Variants in ZC2HC1B observed in about 807,000 individuals in gnomAD.
ZC2HC1B encodes zinc finger C2HC domain-containing protein 1B.
In ZC2HC1B, 36 loss-of-function variants were observed where a neutral mutation model predicts 31.0. The ratio of observed to expected loss-of-function variants is 1.16; its 90% CI spans 0.89 to 1.54. ZC2HC1B has a LOEUF of 1.54. Ranked by LOEUF, ZC2HC1B falls within the 40% of genes most tolerant of loss-of-function variation. ZC2HC1B has a pLI of 0.00. For synonymous variants in ZC2HC1B, 73 were observed against 88.0 expected (o/e 0.83, Z 0.95); for missense variants, 260 against 268.6 (o/e 0.97, Z 0.22).
At chr6:143,876,259 C>G (rs931931765) in intron 1 of ZC2HC1B, among the ~76,000 whole-genome samples, 1 of 150,418 alleles carries the variant, frequency 6.6e-6, no homozygotes, top group Non-Finnish European at 1.5e-5. Context: ...TTACTCTGTC[C>G]CCTGAACTTA....
At position 143,923,351 on chromosome 6, in the gene ZC2HC1B, A is replaced by T. The variant is rs917513719; in HGVS notation, c.599-14298A>T. Among the ~76,000 whole-genome samples, 10 of 152,114 alleles carry T rather than the reference A, an allele frequency of 6.6e-5. No homozygotes were observed. The highest frequency in any genetic ancestry group is 2.2e-4 in the African/African-American group (9 of 41,444). The stretch of plus-strand genomic sequence containing the variant: ...GAGTTCCTTGCTTATTCTGAATATT[A>T]GTTCCTTGGGAGATGAATGGTTTGC... On this transcript the variant is annotated intron_variant, in intron 6 of 7. Coordinates refer to ENST00000237275, the MANE Select transcript of ZC2HC1B (RefSeq NM_001013623.3). The surrounding 1 kb of genome is among the most constrained non-coding windows in gnomAD (Gnocchi z 4.8).
intron 4 of ZC2HC1B, among the ~76,000 whole-genome samples, chr6:143,893,516 G>A (rs13194672): frequency 1.7e-4 from 26 of 152,184 alleles, no homozygotes; most frequent in African/African-American, 6.0e-4. Flanking sequence ...GCAGTGAGCA[G>A]AGATTGTGCT....
Position 143,871,473 on chromosome 6 carries a change from G to C in ZC2HC1B, c.28+6906G>C, listed in dbSNP as rs1273878599. On this transcript the variant is annotated intron_variant, in intron 1 of 7. Transcript: ENST00000237275. The surrounding 1 kb of genome is among the most constrained non-coding windows in gnomAD (Gnocchi z 4.1). ...TTGCCAAGTCAATGGCTGCATACCAGGTACCAAGAAATGTGTTAATTGGCT... is the reference window on the plus strand; with the variant it reads ...TTGCCAAGTCAATGGCTGCATACCACGTACCAAGAAATGTGTTAATTGGCT... 6.6e-6 allele frequency among the ~76,000 whole-genome samples: 1 copy of C among 152,194 alleles called. No homozygotes were observed.
rs1020620992 is a variant in ZC2HC1B, at chr6:143,924,984, G to A, written c.599-12665G>A. Among the ~76,000 whole-genome samples the A allele has an allele frequency of 2.6e-5, 4 of 152,078 alleles. No homozygotes were observed. Among genetic ancestry groups the A allele is most frequent in the African/African-American group, 4.8e-5 (2 of 41,426 alleles). The stretch of plus-strand genomic sequence containing the variant: ...ATGTCCTTGTCTGGTTTTGGTATCA[G>A]GGTAATACTGGCCTCACAGAATGAG... On this transcript the variant is annotated intron_variant, in intron 6 of 7. Coordinates refer to ENST00000237275, the MANE Select transcript of ZC2HC1B (RefSeq NM_001013623.3). The surrounding 1 kb of genome is among the most constrained non-coding windows in gnomAD (Gnocchi z 5.2).
rs908057598 is a variant in ZC2HC1B at position 143,869,251 on chromosome 6, A to G, written c.28+4684A>G. ...CACCCTAATAGATCTCCTGTATTCC[A>G]TGCCTACTCTTCCTTACCTCTGTTG... is the stretch of plus-strand genomic sequence containing the variant. On this transcript the variant is annotated intron_variant, in intron 1 of 7. Coordinates refer to ENST00000237275, the MANE Select transcript of ZC2HC1B (RefSeq NM_001013623.3). This position sits in a 1 kb window ranked among gnomAD's most constrained non-coding sequence, Gnocchi z 5.2. Among the ~76,000 whole-genome samples, 9 of 152,204 alleles carry G rather than the reference A, an allele frequency of 5.9e-5. No individual in the cohort carries two copies. Among genetic ancestry groups the G allele is most frequent in the African/African-American group, 1.9e-4 (8 of 41,452 alleles).
At chr6:143,900,481 C>T (rs936185058) in intron 5 of ZC2HC1B, among the ~76,000 whole-genome samples, 5 of 151,560 alleles carry the variant, frequency 3.3e-5, no homozygotes, top group Non-Finnish European at 5.9e-5. Flanking sequence ...AGGGCTTTAA[C>T]TCAAGCCAGT....
intron 1 of ZC2HC1B, among the ~76,000 whole-genome samples, chr6:143,879,824 ATTTTTTTTTTTT>A (rs557859315): frequency 3.7e-5 from 2 of 53,680 alleles, no homozygotes; most frequent in Admixed American, 2.6e-4. Context: ...GTTGTCCCTG[ATTTTTTTTTTTT>A]TTTTTTTTTT....
intron 6 of ZC2HC1B, among the ~76,000 whole-genome samples, chr6:143,914,494 G>T (rs188403896): frequency 1.3e-5 from 2 of 152,214 alleles, no homozygotes; most frequent in African/African-American, 4.8e-5. Flanking sequence ...CTAACATGTG[G>T]TTCATTCTGG....
rs1777704913 is a variant in ZC2HC1B at position 143,899,040 on chromosome 6, A to G, written c.489+349A>G. On this transcript the variant is annotated intron_variant, in intron 5 of 7. Coordinates refer to ENST00000237275, the MANE Select transcript of ZC2HC1B (RefSeq NM_001013623.3). The surrounding 1 kb of genome is among the most constrained non-coding windows in gnomAD (Gnocchi z 5.0). ...TGCGAACCTGAAGTGAAACTGCCTG[A>G]GTGGGACAGGCTGTCCCAAGGCAAC... Among the ~76,000 whole-genome samples, 1 of 152,214 alleles carries G rather than the reference A, an allele frequency of 6.6e-6. No individual in the cohort carries two copies. Among genetic ancestry groups the G allele is most frequent in the South Asian group, 2.1e-4 (1 of 4,834 alleles).
chr6:143,899,030 A>C lies in ZC2HC1B; in HGVS notation c.489+339A>C, dbSNP rs1562342171. On this transcript the variant is annotated intron_variant, in intron 5 of 7. Transcript: ENST00000237275. This position sits in a 1 kb window ranked among gnomAD's most constrained non-coding sequence, Gnocchi z 5.0. The stretch of plus-strand genomic sequence containing the variant: ...AGAAAAGAATTGCGAACCTGAAGTG[A>C]AACTGCCTGAGTGGGACAGGCTGTC... 6.6e-6 allele frequency among the ~76,000 whole-genome samples: 1 copy of C among 152,252 alleles called. No individual in the cohort carries two copies.
chr6:143,886,243 A>T lies in ZC2HC1B; in HGVS notation c.210+92A>T. On this transcript the variant is annotated intron_variant, in intron 3 of 7. Transcript: ENST00000237275. The surrounding 1 kb of genome is among the most constrained non-coding windows in gnomAD (Gnocchi z 4.2). The stretch of plus-strand genomic sequence containing the variant: ...ATTTCTGGTTTCATTTTTGCTTGAT[A>T]ATACAGTAATGTAATGTAACTGTAA... The T allele has an allele frequency of 7.6e-7, 1 of 1,317,414 alleles. No homozygotes were observed. The highest frequency in any genetic ancestry group is 9.8e-7 in the Non-Finnish European group (1 of 1,020,060). The allele number at this position is 1,317,414 out of a possible 1,614,324, so 81.6% of individuals were successfully genotyped here.
In ZC2HC1B at chr6:143,887,602, T is replaced by C. The variant is rs1777545409; in HGVS notation, c.349+781T>C. Among the ~76,000 whole-genome samples the C allele has an allele frequency of 6.6e-6, 1 of 152,160 alleles. No individual in the cohort carries two copies. Among genetic ancestry groups the C allele is most frequent in the Non-Finnish European group, 1.5e-5 (1 of 68,026 alleles). ...ACAGTTTACATATTACCTTTTGTTA[T>C]CTCTTCGGTCTTTATTAAATCTTGA... On this transcript the variant is annotated intron_variant, in intron 4 of 7. Transcript: ENST00000237275. This position sits in a 1 kb window ranked among gnomAD's most constrained non-coding sequence, Gnocchi z 5.1.
Position 143,887,811 on chromosome 6 carries a change from T to A in ZC2HC1B, c.349+990T>A, listed in dbSNP as rs1777547670. ...AAGATTATTAATATATCAATATTAA[T>A]CTTATCAGATACAATACATGATTTG... is the stretch of plus-strand genomic sequence containing the variant. On this transcript the variant is annotated intron_variant, in intron 4 of 7. Transcript: ENST00000237275. The surrounding 1 kb of genome is among the most constrained non-coding windows in gnomAD (Gnocchi z 5.1). Among the ~76,000 whole-genome samples the A allele has an allele frequency of 1.3e-5, 2 of 152,102 alleles. No homozygotes were observed. The highest frequency in any genetic ancestry group is 2.9e-5 in the Non-Finnish European group (2 of 67,994).
chr6:143,888,610 C>T (rs1446466089), intron 4 of ZC2HC1B, among the ~76,000 whole-genome samples: 1 of 151,950 alleles, frequency 6.6e-6, no homozygotes, highest in African/African-American at 2.4e-5. Context: ...TCTTTCACCT[C>T]ATTGGTTAAA....
rs559096004 is a variant in ZC2HC1B at position 143,917,735 on chromosome 6, T to TA, written c.598+14592dup. Among the ~76,000 whole-genome samples, 170 of 151,820 alleles carry TA rather than the reference T, an allele frequency of 1.1e-3. No individual in the cohort carries two copies. Among genetic ancestry groups the TA allele is most frequent in the East Asian group, 1.5e-3 (8 of 5,178 alleles). On this transcript the variant is annotated intron_variant, in intron 6 of 7. Coordinates refer to ENST00000237275, the MANE Select transcript of ZC2HC1B (RefSeq NM_001013623.3). This position sits in a 1 kb window ranked among gnomAD's most constrained non-coding sequence, Gnocchi z 4.1. ...AGTATAATGCAAATATTCCAAAATT[T>TA]AAAAAAAAATCTGCAACACTTTGGT...
At position 143,915,439 on chromosome 6, in the gene ZC2HC1B, C is replaced by G. The variant is rs1208962472; in HGVS notation, c.598+12287C>G. On this transcript the variant is annotated intron_variant, in intron 6 of 7. Coordinates refer to ENST00000237275, the MANE Select transcript of ZC2HC1B (RefSeq NM_001013623.3). The surrounding 1 kb of genome is among the most constrained non-coding windows in gnomAD (Gnocchi z 5.2). ...ACAGACGAATACAGTAAATTGGTAC[C>G]AGTAGAGTGGGGCGCTGCTGAAAAG... Among the ~76,000 whole-genome samples the G allele has an allele frequency of 6.6e-6, 1 of 152,084 alleles. No homozygotes were observed. The highest frequency in any genetic ancestry group is 1.5e-5 in the Non-Finnish European group (1 of 68,032).
rs561445415 is a variant in ZC2HC1B, at chr6:143,885,908, A to G, written c.91-124A>G. The stretch of plus-strand genomic sequence containing the variant: ...TGGATTTGCTCTGCTGTGACCTGTT[A>G]GAGAATGAACTAGGCTCTGAGGAGC... On this transcript the variant is annotated intron_variant, in intron 2 of 7. Coordinates refer to ENST00000237275, the MANE Select transcript of ZC2HC1B (RefSeq NM_001013623.3). The surrounding 1 kb of genome is among the most constrained non-coding windows in gnomAD (Gnocchi z 4.2). The G allele has an allele frequency of 1.8e-6, 2 of 1,095,074 alleles. No homozygotes were observed. The highest frequency in any genetic ancestry group is 3.2e-5 in the African/African-American group (2 of 61,756). 67.8% of individuals were successfully genotyped at this position (1,095,074 alleles called of 1,614,324 possible).
chr6:143,917,736 A>T lies in ZC2HC1B; in HGVS notation c.598+14584A>T, dbSNP rs966964322. 6.6e-6 allele frequency among the ~76,000 whole-genome samples: 1 copy of T among 151,466 alleles called. No homozygotes were observed. The highest frequency in any genetic ancestry group is 1.5e-5 in the Non-Finnish European group (1 of 67,750). Reference sequence around the variant, plus strand: ...GTATAATGCAAATATTCCAAAATTTAAAAAAAAATCTGCAACACTTTGGTC... The same window carrying T: ...GTATAATGCAAATATTCCAAAATTTTAAAAAAAATCTGCAACACTTTGGTC... On this transcript the variant is annotated intron_variant, in intron 6 of 7. Transcript: ENST00000237275. The surrounding 1 kb of genome is among the most constrained non-coding windows in gnomAD (Gnocchi z 4.1).
In ZC2HC1B at chr6:143,911,844, A is replaced by G. The variant is rs1777860848; in HGVS notation, c.598+8692A>G. On this transcript the variant is annotated intron_variant, in intron 6 of 7. Coordinates refer to ENST00000237275, the MANE Select transcript of ZC2HC1B (RefSeq NM_001013623.3). This position sits in a 1 kb window ranked among gnomAD's most constrained non-coding sequence, Gnocchi z 4.5. Reference sequence around the variant, plus strand: ...TGCTAGGTTGGGGAAGTGCTGGATTATATCCTAAAGTGTGTTTTCCAACTT... The same window carrying G: ...TGCTAGGTTGGGGAAGTGCTGGATTGTATCCTAAAGTGTGTTTTCCAACTT... Among the ~76,000 whole-genome samples, 1 of 152,148 alleles carries G rather than the reference A, an allele frequency of 6.6e-6. No homozygotes were observed. The highest frequency in any genetic ancestry group is 1.5e-5 in the Non-Finnish European group (1 of 68,018).
Sources: gnomAD v4.1 joint callset for allele counts (sites outside exome capture counted in the v4.1 genomes callset) on GRCh38, gnomAD v4.1.1 for gene constraint, Gnocchi (gnomAD v3.1) non-coding constraint, MANE v1.5 for transcripts, NCBI Gene and HGNC (gene_info 2026-07-23, HGNC 2026-07-21) for gene names.